Variants in ALPL observed in about 807,000 individuals in gnomAD.
The protein encoded by ALPL is alkaline phosphatase, tissue-nonspecific isozyme.
A neutral mutation model predicts 51.3 loss-of-function variants in ALPL; 42 were observed. The observed-to-expected ratio is 0.82, with a 90% confidence interval of 0.64 to 1.06. The LOEUF (loss-of-function observed/expected upper bound fraction) is 1.06. ALPL is among the 50% of genes least tolerant of loss of function. ALPL has a pLI of 0.00. For missense variants in ALPL, 589 were observed against 709.4 expected (o/e 0.83, Z 1.93); for synonymous variants, 279 against 296.4 (o/e 0.94, Z 0.60).
intron 2 of ALPL, among the ~76,000 whole-genome samples, chr1:21,555,599 T>C (rs1644402363): frequency 6.6e-6 from 1 of 151,872 alleles, no homozygotes; most frequent in Admixed American, 6.6e-5. Flanking sequence ...TGTATTCTTA[T>C]TAGAGACGGG....
intron 9 of ALPL, among the ~76,000 whole-genome samples, chr1:21,575,049 G>A (rs1644707991): frequency 6.6e-6 from 1 of 152,208 alleles, no homozygotes; most frequent in South Asian, 2.1e-4. Flanking sequence ...TGGGAAGCGG[G>A]GGCGGAGGCT....
chr1:21,554,804 TCTGTCTG>T (rs1558543800), intron 2 of ALPL, among the ~76,000 whole-genome samples: 4,524 of 38,806 alleles, frequency 0.12, 122 homozygotes, highest in East Asian at 0.14. Context: ...TGTCTGTCTG[TCTGTCTG>T]TCTGTCTTTC....
chr1:21,573,124 T>A (rs535427795), intron 8 of ALPL, among the ~76,000 whole-genome samples: 4 of 152,100 alleles, frequency 2.6e-5, no homozygotes, highest in Non-Finnish European at 5.9e-5. Context: ...CGCGCCATAG[T>A]GGTGGGAATG....
intron 2 of ALPL, among the ~76,000 whole-genome samples, chr1:21,560,360 C>G: frequency 6.6e-6 from 1 of 152,206 alleles, no homozygotes; most frequent in African/African-American, 2.4e-5. Context: ...TGCTGTGTGG[C>G]CTTAGGCAAG....
rs572574998 is a variant in ALPL, at chr1:21,568,310, C to T, written c.792+63C>T. 5 of 1,608,838 alleles carry T rather than the reference C, an allele frequency of 3.1e-6. No homozygotes were observed. The African/African-American group carries it at 6.7e-5, about 22-fold the overall frequency. On this transcript the variant is annotated intron_variant, in intron 7 of 11. Coordinates refer to ENST00000374840, the MANE Select transcript of ALPL (RefSeq NM_000478.6). ...CTGTGATGGGGAGAGGCTGTGTGAC[C>T]CCTGCTCTGAAGTTCTGTTGTCCTC...
intron 10 of ALPL, among the ~76,000 whole-genome samples, chr1:21,576,253 TGATGGATGGATGGATGGGTGGATGGATG>T (rs1249701984): frequency 3.5e-5 from 2 of 57,376 alleles, no homozygotes; most frequent in Admixed American, 1.7e-4. Context: ...GATGGATGGA[TGATGGATGGATGGATGGGTGGATGGATG>T]GATGGGTGGA....
chr1:21,570,228 A>C (rs1644625953), intron 7 of ALPL, 77 bp from the exon 8 acceptor site: 2 of 1,446,614 alleles, frequency 1.4e-6, no homozygotes, highest in Admixed American at 1.8e-5. Context: ...AAGGCCTCAG[A>C]CTCTGATAGC....
Position 21,522,959 on chromosome 1 carries a change from C to T in ALPL, c.-105+13442C>T, listed in dbSNP as rs554655730. ...AGGAGGTAGATATTATTGTCATTGT[C>T]CCCACTCACGGATGGGGAGCCAGGC... On this transcript the variant is annotated intron_variant, in intron 1 of 11. Transcript: ENST00000374840. 4.1e-4 allele frequency among the ~76,000 whole-genome samples: 63 copies of T among 152,142 alleles called. 2 individuals carry two copies. Among genetic ancestry groups the T allele is most frequent in the Admixed American group, 7.2e-4 (11 of 15,270 alleles).
intron 1 of ALPL, among the ~76,000 whole-genome samples, chr1:21,538,594 G>A (rs576287863): frequency 6.6e-6 from 1 of 152,196 alleles, no homozygotes; most frequent in Non-Finnish European, 1.5e-5. Flanking sequence ...CACAGGGCCT[G>A]CGTGGGGCCA....
intron 1 of ALPL, among the ~76,000 whole-genome samples, chr1:21,515,478 T>C (rs1309309340): frequency 6.6e-6 from 1 of 152,084 alleles, no homozygotes. Context: ...AACCTCCGCC[T>C]CCCGGGTTCC....
chr1:21,565,547 C>T lies in ALPL; in HGVS notation c.648+1331C>T, dbSNP rs567657657. Among the ~76,000 whole-genome samples the T allele has an allele frequency of 8.9e-5, 13 of 146,218 alleles. No individual in the cohort carries two copies. The South Asian group carries it at 1.7e-3, about 19-fold the overall frequency. ...AGGGGTTTGTCAGGGACAGCCTGAG[C>T]AGGGGACAGGAACTTGAAGGAAATT... On this transcript the variant is annotated intron_variant, in intron 6 of 11. Transcript: ENST00000374840.
At position 21,563,193 on chromosome 1, in the gene ALPL, C is replaced by G. The variant is rs368714904; in HGVS notation, c.381C>G (p.Thr127=). 2 of 1,613,964 alleles carry G rather than the reference C, an allele frequency of 1.2e-6. No individual in the cohort carries two copies. Among genetic ancestry groups the G allele is most frequent in the South Asian group, 2.2e-5 (2 of 91,084 alleles). Residue 127 remains threonine, a synonymous_variant, in exon 5 of 12, where the codon ACC becomes ACG. Coordinates refer to ENST00000374840, the MANE Select transcript of ALPL (RefSeq NM_000478.6). ...YLCGVKANEG[T]VGVSAATERS... is the part of the protein sequence containing the mutation. ...GTGGGGTGAAGGCCAATGAGGGCAC[C>G]GTGGGGGTAAGCGCAGCCACTGAGC...
At chr1:21,531,833 C>T (rs1371695842) in intron 1 of ALPL, among the ~76,000 whole-genome samples, 1 of 152,162 alleles carries the variant, frequency 6.6e-6, no homozygotes, top group Non-Finnish European at 1.5e-5. Context: ...GTTTTCTTTT[C>T]TGTAATATTC....
intron 6 of ALPL, among the ~76,000 whole-genome samples, chr1:21,567,098 C>T (rs974713191): frequency 2.0e-5 from 3 of 152,176 alleles, no homozygotes; most frequent in Non-Finnish European, 4.4e-5. Context: ...GTGCATTCCA[C>T]AAAACCTAGG....
chr1:21,575,835 C>T lies in ALPL; in HGVS notation c.1100C>T (p.Ser367Phe), dbSNP rs1300239598. 54 of 1,614,120 alleles carry T rather than the reference C, an allele frequency of 3.3e-5. No individual in the cohort carries two copies. The highest frequency in any genetic ancestry group is 4.6e-5 in the Non-Finnish European group (54 of 1,180,050). ...RAIGQAGSLT[S>F]SEDTLTVVTA... The stretch of plus-strand genomic sequence containing the variant: ...ATCGGGCAGGCAGGCAGCTTGACCT[C>T]CTCGGAAGACACTCTGACCGTGGTC... Residue 367 changes from serine to phenylalanine, a missense_variant, in exon 10 of 12, where the codon TCC becomes TTC. Physicochemically the swap from Ser to Phe is radical, Grantham distance 155. Coordinates refer to ENST00000374840, the MANE Select transcript of ALPL (RefSeq NM_000478.6).
chr1:21,544,048 C>T (rs552248150), intron 1 of ALPL, among the ~76,000 whole-genome samples: 2 of 152,220 alleles, frequency 1.3e-5, no homozygotes, highest in Non-Finnish European at 2.9e-5. Flanking sequence ...GGCCCAGTAC[C>T]TGCCATCGAT....
intron 1 of ALPL, among the ~76,000 whole-genome samples, chr1:21,550,643 C>G (rs181140289): frequency 1.3e-5 from 2 of 152,194 alleles, no homozygotes; most frequent in East Asian, 3.9e-4. Context: ...CAGCACCCAC[C>G]CACCCAGATC....
At chr1:21,520,002 C>A (rs565421044) in intron 1 of ALPL, among the ~76,000 whole-genome samples, 33 of 152,280 alleles carry the variant, frequency 2.2e-4, no homozygotes, top group Non-Finnish European at 4.3e-4. Context: ...TGTGCTGCCC[C>A]CCGCATCCCA....
At chr1:21,523,682 C>A (rs545049516) in intron 1 of ALPL, among the ~76,000 whole-genome samples, 4 of 152,208 alleles carry the variant, frequency 2.6e-5, no homozygotes, top group Non-Finnish European at 5.9e-5. Context: ...CCCTAATCCC[C>A]GGGTACTGCC....
Sources: allele counts gnomAD v4.1 joint callset (sites outside exome capture counted in the v4.1 genomes callset), GRCh38; gene constraint gnomAD v4.1.1; transcripts MANE v1.5; gene names NCBI Gene and HGNC (gene_info 2026-07-23, HGNC 2026-07-21).